ANKRD36: variants seen among roughly 807,000 people sequenced by gnomAD.
ANKRD36 encodes the protein ankyrin repeat domain-containing protein 36A.
In ANKRD36, 179 loss-of-function variants were observed where a neutral mutation model predicts 278.1. The ratio of observed to expected loss-of-function variants is 0.64; its 90% CI spans 0.57 to 0.73. The LOEUF is 0.73. Ranked by LOEUF, ANKRD36 falls within the 30% of genes least tolerant of loss-of-function variation. The pLI, the probability that ANKRD36 is intolerant of heterozygous loss-of-function variation, is 0.00. For missense variants in ANKRD36, 1,159 were observed against 1,956.7 expected, an observed-to-expected ratio of 0.59 and a Z score of 7.69; for synonymous variants, 320 against 641.1, an observed-to-expected ratio of 0.50 and a Z score of 7.57.
At chr2:97,187,487 T>TGGG in intron 32 of ANKRD36, 86 bp downstream of exon 32, 6 of 50,038 alleles carry the variant, frequency 1.2e-4, no homozygotes, top group South Asian at 2.8e-4. Flanking sequence ...GGAGGGCGGG[T>TGGG]GGGGGGGCTC....
At chr2:97,200,681 G>T (rs1172721007) in intron 46 of ANKRD36, among the ~76,000 whole-genome samples, 156 bp downstream of exon 46, 1 of 151,896 alleles carries the variant, frequency 6.6e-6, no homozygotes, top group African/African-American at 2.4e-5. Context: ...TGCTGATGCT[G>T]CTTGTCTGCA....
Position 97,260,443 on chromosome 2 carries a change from C to T in ANKRD36, c.*7-3886C>T, listed in dbSNP as rs1179937057. Among the ~76,000 whole-genome samples, 14 of 139,162 alleles carry T rather than the reference C, an allele frequency of 1.0e-4. 4 individuals carry two copies. The highest frequency in any genetic ancestry group is 8.5e-4 in the South Asian group (2 of 2,344). 91.3% of individuals were successfully genotyped at this position (139,162 alleles called of 152,430 possible). A position where few individuals can be genotyped will look rare whatever the true frequency, so the allele number is the denominator to read the frequency against. On this transcript the variant is annotated intron_variant, in intron 75 of 75. Coordinates refer to ENST00000420699, the MANE Select transcript of ANKRD36 (RefSeq NM_001354587.1). Reference sequence around the variant, plus strand: ...ACACACAAACACACACACACACACACACGTTTTCTGGACAATAGGTCTCAA... The same window carrying T: ...ACACACAAACACACACACACACACATACGTTTTCTGGACAATAGGTCTCAA...
chr2:97,144,408 C>G, intron 8 of ANKRD36, 110 bp from the exon 9 acceptor site: 2 of 1,459,648 alleles, frequency 1.4e-6, no homozygotes, highest in South Asian at 1.2e-5. Context: ...ACATCAAAGC[C>G]TATGCTAATT....
chr2:97,229,360 CTTG>C, intron 67 of ANKRD36, among the ~76,000 whole-genome samples: 1 of 152,024 alleles, frequency 6.6e-6, no homozygotes, highest in Non-Finnish European at 1.5e-5. Context: ...GTTAGCTCTT[CTTG>C]TTGAATTGAT....
chr2:97,202,705 A>G lies in ANKRD36; in HGVS notation c.2959+312A>G, dbSNP rs190920094. 9.2e-5 allele frequency among the ~76,000 whole-genome samples: 14 copies of G among 151,908 alleles called. No homozygotes were observed. The East Asian group carries it at 2.7e-3, about 30-fold the overall frequency. On this transcript the variant is annotated intron_variant, in intron 48 of 75. Coordinates refer to ENST00000420699, the MANE Select transcript of ANKRD36 (RefSeq NM_001354587.1). ...TCCAGCTTGTTTTCAGTAAGGGTGG[A>G]AGGAGAAAGAGAGGAAGTATCGATT... is the stretch of plus-strand genomic sequence containing the variant.
At chr2:97,231,734 G>A (rs1344333338) in intron 67 of ANKRD36, among the ~76,000 whole-genome samples, 52 of 152,212 alleles carry the variant, frequency 3.4e-4, no homozygotes, top group Non-Finnish European at 6.5e-4. Context: ...CGTCGCTCAC[G>A]CTGGGAGCTG....
intron 22 of ANKRD36, among the ~76,000 whole-genome samples, chr2:97,177,707 C>CT (rs1285247463): frequency 6.6e-6 from 1 of 151,632 alleles, no homozygotes; most frequent in Non-Finnish European, 1.5e-5. Flanking sequence ...AACGTTAGAC[C>CT]TAAAACCATA....
In ANKRD36 at chr2:97,118,437, C is replaced by T. The variant is rs754883514; in HGVS notation, c.406C>T (p.His136Tyr). 1.0e-5 allele frequency: 16 copies of T among 1,606,964 alleles called. No individual in the cohort carries two copies. In the South Asian group the frequency reaches 1.3e-4, roughly 14 times the overall value. Reference protein sequence around the residue: ...ITDFFGRTALHYAVYNEDTSM... With the variant: ...ITDFFGRTALYYAVYNEDTSM... ...GGATTTCTTTGGAAGGACTGCTCTGCACTACGCTGTGTATAATGAAGATAC... is the reference window on the plus strand; with the variant it reads ...GGATTTCTTTGGAAGGACTGCTCTGTACTACGCTGTGTATAATGAAGATAC... The change falls in exon 3 of 76, where the codon CAC (histidine) becomes TAC (tyrosine). Residue 136 changes from histidine (H) to tyrosine (Y), a missense_variant. His to Tyr is a moderately conservative substitution (Grantham distance 83). Coordinates refer to ENST00000420699, the MANE Select transcript of ANKRD36 (RefSeq NM_001354587.1).
At chr2:97,229,798 G>A (rs1020727405) in intron 67 of ANKRD36, among the ~76,000 whole-genome samples, 1 of 152,034 alleles carries the variant, frequency 6.6e-6, no homozygotes, top group African/African-American at 2.4e-5. Context: ...TCCATGTTTA[G>A]TGCTTCCTTC....
chr2:97,190,955 A>G, intron 34 of ANKRD36, 23 bp from the exon 35 acceptor site: 2 of 1,602,568 alleles, frequency 1.2e-6, no homozygotes, highest in Non-Finnish European at 1.7e-6. Flanking sequence ...ATGAGTGATT[A>G]TGTATCCCTT....
intron 54 of ANKRD36, among the ~76,000 whole-genome samples, chr2:97,209,449 C>A (rs1048026820): frequency 2.1e-5 from 3 of 146,298 alleles, no homozygotes; most frequent in Non-Finnish European, 1.5e-5. Flanking sequence ...TAGTTTTTGA[C>A]ACGTGACAAA....
chr2:97,128,707 A>G (rs2039274338), intron 6 of ANKRD36, among the ~76,000 whole-genome samples: 1 of 151,890 alleles, frequency 6.6e-6, no homozygotes, highest in Non-Finnish European at 1.5e-5. Flanking sequence ...CCTAAGGGTA[A>G]TGTGTGAGAA....
At chr2:97,123,065 G>T in intron 4 of ANKRD36, 72 bp downstream of exon 4, 1 of 1,237,754 alleles carries the variant, frequency 8.1e-7, no homozygotes. Context: ...AGTCCCTCAA[G>T]TCACAAATAT....
At chr2:97,229,651 T>C (rs1360074083) in intron 67 of ANKRD36, among the ~76,000 whole-genome samples, 2 of 152,074 alleles carry the variant, frequency 1.3e-5, no homozygotes, top group Admixed American at 1.3e-4. Flanking sequence ...AAAGTTAATA[T>C]TGTTATGTCT....
chr2:97,187,273 A>G (rs1399855534), intron 31 of ANKRD36, 47 bp downstream of exon 31: 1 of 1,605,864 alleles, frequency 6.2e-7, no homozygotes, highest in East Asian at 2.3e-5. Context: ...TCTATAGTCT[A>G]TGAAATATAC....
intron 6 of ANKRD36, among the ~76,000 whole-genome samples, chr2:97,140,313 T>C (rs1317678083): frequency 6.6e-6 from 1 of 151,876 alleles, no homozygotes; most frequent in African/African-American, 2.4e-5. Flanking sequence ...AGTTTTTAAA[T>C]AGGTTATGTT....
At position 97,204,898 on chromosome 2, in the gene ANKRD36, A is replaced by G. The variant is rs58909784; in HGVS notation, c.3061+635A>G. On this transcript the variant is annotated intron_variant, in intron 50 of 75. Coordinates refer to ENST00000420699, the MANE Select transcript of ANKRD36 (RefSeq NM_001354587.1). ...AAACAGTGGTTGAATTGGCATAAAA[A>G]CACAATAACTCATTACTCCTCTTTG... Among the ~76,000 whole-genome samples the G allele has an allele frequency of 6.9e-3, 1,046 of 151,644 alleles. 55 individuals carry two copies. The East Asian group carries it at 0.11, about 16-fold the overall frequency.
At chr2:97,115,411 T>TA (rs1192512407) in intron 1 of ANKRD36, among the ~76,000 whole-genome samples, 4 of 151,774 alleles carry the variant, frequency 2.6e-5, no homozygotes, top group Admixed American at 2.0e-4. Context: ...TTTAGCAAAA[T>TA]AAAAAAAATC....
chr2:97,177,636 G>A (rs979183491), intron 22 of ANKRD36, among the ~76,000 whole-genome samples: 4 of 151,982 alleles, frequency 2.6e-5, no homozygotes, highest in Admixed American at 6.6e-5. Flanking sequence ...GTAGAAAGCT[G>A]AAACTGTATC....
Sources: gnomAD v4.1 joint callset for allele counts (sites outside exome capture counted in the v4.1 genomes callset) on GRCh38, gnomAD v4.1.1 for gene constraint, MANE v1.5 for transcripts, NCBI Gene and HGNC (gene_info 2026-07-23, HGNC 2026-07-21) for gene names.